Variants in WDFY3 observed in about 807,000 individuals in gnomAD.
The protein encoded by WDFY3 is WD repeat and FYVE domain-containing protein 3.
WDFY3 carries 66 observed loss-of-function variants against 409.6 expected under a neutral mutation model. The ratio of observed to expected loss-of-function variants is 0.16; its 90% CI spans 0.13 to 0.20. WDFY3 has a LOEUF of 0.20. WDFY3 is among the 10% of genes least tolerant of loss of function. The pLI is 1.00. For missense variants in WDFY3, 3,031 were observed against 4,298.1 expected, an observed-to-expected ratio of 0.71 and a Z score of 8.24; for synonymous variants, 1,521 against 1,537.1, an observed-to-expected ratio of 0.99 and a Z score of 0.25.
intron 1 of WDFY3, among the ~76,000 whole-genome samples, chr4:84,941,446 A>T (rs1416526627): frequency 1.3e-5 from 2 of 152,046 alleles, no homozygotes; most frequent in African/African-American, 4.8e-5. Flanking sequence ...AACTGTGCAA[A>T]ATCTGTCTAC....
intron 12 of WDFY3, among the ~76,000 whole-genome samples, chr4:84,819,051 T>C (rs912434819): frequency 5.9e-5 from 9 of 152,122 alleles, no homozygotes; most frequent in African/African-American, 1.7e-4. Context: ...AATGTTACTA[T>C]AGTATCCACT....
Position 84,756,965 on chromosome 4 carries a change from A to G in WDFY3, c.5385T>C (p.Ser1795=). 2 of 1,614,092 alleles carry G rather than the reference A, an allele frequency of 1.2e-6. No homozygotes were observed. The highest frequency in any genetic ancestry group is 1.7e-6 in the Non-Finnish European group (2 of 1,179,962). Residue 1795 remains serine (S), a synonymous_variant, in exon 33 of 68, where the codon AGT becomes AGC. Coordinates refer to ENST00000295888, the MANE Select transcript of WDFY3 (RefSeq NM_014991.6). ...VSELPENLQV[S]VPVISCRSKQ... The stretch of plus-strand genomic sequence containing the variant: ...TACTCCGGCAGCTGATGACAGGCAC[A>G]CTGACCTGCAGGTTCTCAGGCAGCT...
chr4:84,694,884 A>G (rs1729839453), intron 58 of WDFY3, among the ~76,000 whole-genome samples: 3 of 152,164 alleles, frequency 2.0e-5, no homozygotes, highest in Admixed American at 2.0e-4. Context: ...GCTATCTATC[A>G]TGGCTTTTCT....
chr4:84,773,517 CGAATTACGT>C (rs1404155740), intron 29 of WDFY3, among the ~76,000 whole-genome samples: 1 of 151,914 alleles, frequency 6.6e-6, no homozygotes, highest in Non-Finnish European at 1.5e-5. Context: ...GTATCACATT[CGAATTACGT>C]GACCTGGGGC....
chr4:84,955,339 T>C (rs1217505242), intron 1 of WDFY3, among the ~76,000 whole-genome samples: 1 of 152,196 alleles, frequency 6.6e-6, no homozygotes, highest in Non-Finnish European at 1.5e-5. Flanking sequence ...TCTAGGGCTG[T>C]GAATGAATTA....
At chr4:84,757,594 T>C (rs1289636507) in intron 32 of WDFY3, among the ~76,000 whole-genome samples, 2 of 152,158 alleles carry the variant, frequency 1.3e-5, no homozygotes, top group African/African-American at 2.4e-5. Flanking sequence ...TTTTATTTTT[T>C]TGAGACACAG....
chr4:84,789,667 A>G (rs1490059433), intron 22 of WDFY3, 59 bp downstream of exon 22: 16 of 1,346,276 alleles, frequency 1.2e-5, no homozygotes, highest in Non-Finnish European at 1.2e-5. Context: ...ACACACACAC[A>G]CACCCCCCAA....
chr4:84,899,279 GAA>G (rs915675972), intron 2 of WDFY3, among the ~76,000 whole-genome samples: 4 of 152,094 alleles, frequency 2.6e-5, no homozygotes, highest in African/African-American at 9.7e-5. Flanking sequence ...ACAAGAATAT[GAA>G]AAAAGTAAAA....
intron 39 of WDFY3, among the ~76,000 whole-genome samples, chr4:84,739,549 T>C (rs1738038545): frequency 6.6e-6 from 1 of 152,156 alleles, no homozygotes; most frequent in African/African-American, 2.4e-5. Context: ...ATACAGACTG[T>C]TCTTTCCTCC....
At chr4:84,748,431 T>A (rs1387440579) in intron 36 of WDFY3, among the ~76,000 whole-genome samples, 1 of 152,176 alleles carries the variant, frequency 6.6e-6, no homozygotes. Flanking sequence ...ATACTTTTTG[T>A]TGGGTGATGT....
chr4:84,931,635 G>C (rs1215490328), intron 2 of WDFY3, among the ~76,000 whole-genome samples: 1 of 152,112 alleles, frequency 6.6e-6, no homozygotes, highest in East Asian at 1.9e-4. Flanking sequence ...CATCTCCTGG[G>C]ACACTCCAAA....
In WDFY3 at chr4:84,821,321, C is replaced by T; in HGVS notation, c.1354G>A (p.Val452Ile). ...CAAGGTATATAATTTAAGCTAAAAA[C>T]AACAAACTCCAGCATCTCAAAGTAT... ...NKYFEMLEFV[V>I]FSLNYIPCKE... is the part of the protein sequence containing the mutation. The change falls in exon 11 of 68, where the codon GTT becomes ATT. Residue 452 changes from valine to isoleucine, a missense_variant. By Grantham distance (29) the Val-to-Ile change is conservative. Coordinates refer to ENST00000295888, the MANE Select transcript of WDFY3 (RefSeq NM_014991.6). 1 of 1,613,770 alleles carries T rather than the reference C, an allele frequency of 6.2e-7. No individual in the cohort carries two copies. The highest frequency in any genetic ancestry group is 8.5e-7 in the Non-Finnish European group (1 of 1,179,840).
chr4:84,747,151 A>T (rs944833649), intron 36 of WDFY3, among the ~76,000 whole-genome samples: 1 of 152,194 alleles, frequency 6.6e-6, no homozygotes, highest in Admixed American at 6.5e-5. Flanking sequence ...CAGCAAAGCC[A>T]GTCAACATAT....
chr4:84,726,924 T>C lies in WDFY3; in HGVS notation c.7222-13A>G. ...TTGGGATCTCAGACTGAAAACAGGG[T>C]ATTAAGTATAGACATATCAGAAAAA... is the stretch of plus-strand genomic sequence containing the variant. On this transcript the variant is annotated splice_polypyrimidine_tract_variant and intron_variant, in intron 44 of 67. Coordinates refer to ENST00000295888, the MANE Select transcript of WDFY3 (RefSeq NM_014991.6). 1 of 1,598,248 alleles carries C rather than the reference T, an allele frequency of 6.3e-7. No homozygotes were observed. Among genetic ancestry groups the C allele is most frequent in the Non-Finnish European group, 8.5e-7 (1 of 1,175,118 alleles).
chr4:84,713,314 G>T, intron 50 of WDFY3, 75 bp from the exon 51 acceptor site: 1 of 1,317,298 alleles, frequency 7.6e-7, no homozygotes, highest in South Asian at 1.2e-5. Context: ...AAGAAAGGAC[G>T]ATTCGTTTAG....
rs149216014 is a variant in WDFY3 at position 84,741,886 on chromosome 4, T to G, written c.6109A>C (p.Ser2037Arg). ...DASLPITSGGSYQVLVNNVFY... is the reference protein window; with the variant it reads ...DASLPITSGGRYQVLVNNVFY... ...ACATTGTTCACCAATACCTGGTAGC[T>G]TCCTCCACTGGTAATAGGCAGAGAT... Residue 2037 changes from serine (S) to arginine (R), a missense_variant, in exon 38 of 68, where the codon AGC becomes CGC. Around this residue, in one of 16 missense-constraint regions of WDFY3, gnomAD observed 314 missense variants for 397.4 expected, o/e 0.79. Transcript: ENST00000295888. 6.2e-7 allele frequency: 1 copy of G among 1,608,794 alleles called. No homozygotes were observed. Among genetic ancestry groups the G allele is most frequent in the African/African-American group, 1.3e-5 (1 of 74,836 alleles).
chr4:84,821,096 G>C lies in WDFY3; in HGVS notation c.1579C>G (p.Leu527Val). The C allele has an allele frequency of 1.2e-6, 2 of 1,607,190 alleles. No homozygotes were observed. Among genetic ancestry groups the C allele is most frequent in the South Asian group, 2.2e-5 (2 of 90,280 alleles). Reference sequence around the variant, plus strand: ...GACAATACTTTACCTTGTTCATTTAGTGCCTGAGTTGGATCCTTCAACAGG... The same window carrying C: ...GACAATACTTTACCTTGTTCATTTACTGCCTGAGTTGGATCCTTCAACAGG... ...AALLKDPTQA[L>V]NEQGDSRNNS... is the part of the protein sequence containing the mutation. The change falls in exon 11 of 68, where the codon CTA becomes GTA. Residue 527 changes from leucine (L) to valine (V), a missense_variant. Coordinates refer to ENST00000295888, the MANE Select transcript of WDFY3 (RefSeq NM_014991.6).
At chr4:84,813,072 T>C (rs1229939546) in intron 13 of WDFY3, among the ~76,000 whole-genome samples, 1 of 152,102 alleles carries the variant, frequency 6.6e-6, no homozygotes, top group East Asian at 1.9e-4. Context: ...TATAAATAAT[T>C]ACAAATTAAA....
chr4:84,792,527 G>T (rs1748697540), intron 21 of WDFY3, among the ~76,000 whole-genome samples: 1 of 152,160 alleles, frequency 6.6e-6, no homozygotes, highest in African/African-American at 2.4e-5. Flanking sequence ...TGGTGTGTCA[G>T]GATATCTCAG....
Sources: allele counts gnomAD v4.1 joint callset (sites outside exome capture counted in the v4.1 genomes callset), GRCh38; gene constraint gnomAD v4.1.1; regional missense constraint gnomAD v4.1.1; transcripts MANE v1.5; gene names NCBI Gene and HGNC (gene_info 2026-07-23, HGNC 2026-07-21).